The following SPOCK3 variants were observed in gnomAD, a reference collection of about 807,000 sequenced individuals.
SPOCK3 encodes testican-3.
Under a neutral mutation model 56.6 loss-of-function variants are expected in SPOCK3, and 30 were observed. The ratio of observed to expected loss-of-function variants is 0.53; its 90% confidence interval spans 0.40 to 0.72. The LOEUF (loss-of-function observed/expected upper bound fraction) is 0.72. Ranked by LOEUF, SPOCK3 falls within the 30% of genes least tolerant of loss-of-function variation. The pLI is 0.00. For missense variants in SPOCK3, 527 were observed against 530.0 expected (o/e 0.99, Z 0.06); for synonymous variants, 196 against 183.3 (o/e 1.07, Z -0.56).
chr4:167,008,392 A>T lies in SPOCK3; in HGVS notation c.236-7929T>A, dbSNP rs368299019. Among the ~76,000 whole-genome samples, 3 of 152,268 alleles carry T rather than the reference A, an allele frequency of 2.0e-5. No individual in the cohort carries two copies. The Middle Eastern group carries it at 0.01, about 521-fold the overall frequency. On this transcript the variant is annotated intron_variant, in intron 3 of 10. Coordinates refer to ENST00000357545, the MANE Select transcript of SPOCK3 (RefSeq NM_001040159.2). ...TAGCAACATTATAAACTATATTACT[A>T]GAGGTAATATTAGCATGAAGCTATA...
At chr4:167,022,646 T>G (rs1238605312) in intron 3 of SPOCK3, among the ~76,000 whole-genome samples, 1 of 152,048 alleles carries the variant, frequency 6.6e-6, no homozygotes, top group African/African-American at 2.4e-5. Context: ...CATTGCATTA[T>G]GAACCTCTTC....
intron 2 of SPOCK3, among the ~76,000 whole-genome samples, chr4:167,204,778 G>C (rs1212128361): frequency 1.3e-5 from 2 of 151,628 alleles, no homozygotes; most frequent in Non-Finnish European, 2.9e-5. Context: ...CGGGGTGGGG[G>C]GCGACGGGTC....
intron 2 of SPOCK3, among the ~76,000 whole-genome samples, chr4:167,074,081 T>C (rs868375018): frequency 2.5e-4 from 38 of 151,830 alleles, no homozygotes; most frequent in Middle Eastern, 3.4e-3. Flanking sequence ...GCTAGTTTAC[T>C]TGAAAGCTAA....
chr4:166,753,805 G>A (rs183620104), intron 8 of SPOCK3, among the ~76,000 whole-genome samples: 2 of 151,948 alleles, frequency 1.3e-5, no homozygotes, highest in Admixed American at 1.3e-4. Flanking sequence ...CATAATGTGA[G>A]TTTCTTGTTT....
At chr4:167,121,707 C>G (rs1761878950) in intron 2 of SPOCK3, among the ~76,000 whole-genome samples, 6 of 152,074 alleles carry the variant, frequency 3.9e-5, no homozygotes, top group Admixed American at 3.3e-4. Context: ...TACTAGCTCC[C>G]CATTTCCTCA....
chr4:166,753,622 C>T (rs577547767), intron 8 of SPOCK3, among the ~76,000 whole-genome samples: 4 of 152,032 alleles, frequency 2.6e-5, no homozygotes, highest in South Asian at 2.1e-4. Context: ...TTTTCCTTAT[C>T]GAAGACTGGT....
intron 4 of SPOCK3, among the ~76,000 whole-genome samples, chr4:166,995,575 A>C (rs1002341429): frequency 3.3e-5 from 5 of 151,948 alleles, no homozygotes; most frequent in African/African-American, 1.2e-4. Context: ...TCTATCATCT[A>C]TCTATCTACC....
chr4:167,181,587 A>G (rs546961469), intron 2 of SPOCK3, among the ~76,000 whole-genome samples: 1 of 152,094 alleles, frequency 6.6e-6, no homozygotes, highest in Admixed American at 6.6e-5. Flanking sequence ...TATCTTCTGT[A>G]TTTCCCCTCC....
At chr4:167,207,302 T>G (rs1734441959) in intron 2 of SPOCK3, among the ~76,000 whole-genome samples, 1 of 151,950 alleles carries the variant, frequency 6.6e-6, no homozygotes, top group African/African-American at 2.4e-5. Context: ...TAGAGGTAAA[T>G]GAACATTCCA....
At chr4:166,830,403 CTG>C (rs755503377) in intron 6 of SPOCK3, among the ~76,000 whole-genome samples, 4 of 152,128 alleles carry the variant, frequency 2.6e-5, no homozygotes, top group African/African-American at 2.4e-5. Context: ...CTGAATCTCA[CTG>C]TATCATTCAT....
chr4:167,125,191 T>TTTTA (rs59279364), intron 2 of SPOCK3, among the ~76,000 whole-genome samples: 51,166 of 142,374 alleles, frequency 0.36, 9,821 homozygotes, highest in African/African-American at 0.47. Context: ...CACAGAGATT[T>TTTTA]TTTATTTATT....
intron 2 of SPOCK3, among the ~76,000 whole-genome samples, chr4:167,151,131 C>A (rs1764379757): frequency 6.6e-6 from 1 of 152,098 alleles, no homozygotes; most frequent in Non-Finnish European, 1.5e-5. Context: ...ATGTCGATGC[C>A]CAGGCCACAC....
At chr4:166,928,586 CTG>C (rs1739377361) in intron 4 of SPOCK3, among the ~76,000 whole-genome samples, 1 of 152,134 alleles carries the variant, frequency 6.6e-6, no homozygotes, top group Non-Finnish European at 1.5e-5. Context: ...TGAAACTACT[CTG>C]TATGATAGTA....
At chr4:166,745,298 A>G (rs1041561270) in intron 8 of SPOCK3, among the ~76,000 whole-genome samples, 4 of 152,188 alleles carry the variant, frequency 2.6e-5, no homozygotes, top group Non-Finnish European at 5.9e-5. Flanking sequence ...TCTCAGCAGA[A>G]ACTCTATGAG....
At chr4:167,044,454 T>C (rs909748365) in intron 3 of SPOCK3, among the ~76,000 whole-genome samples, 2 of 151,998 alleles carry the variant, frequency 1.3e-5, no homozygotes, top group African/African-American at 4.8e-5. Context: ...TATTTTTTTC[T>C]CCTTCTTACT....
intron 2 of SPOCK3, among the ~76,000 whole-genome samples, chr4:167,105,771 A>G (rs1468785493): frequency 2.0e-5 from 3 of 151,960 alleles, no homozygotes; most frequent in African/African-American, 7.2e-5. Context: ...AAAGACACAT[A>G]TAGATTGAAG....
rs147762164 is a variant in SPOCK3, at chr4:166,919,473, G to A, written c.351-6730C>T. Among the ~76,000 whole-genome samples, 14 of 152,208 alleles carry A rather than the reference G, an allele frequency of 9.2e-5. No homozygotes were observed. The East Asian group carries it at 1.2e-3, about 13-fold the overall frequency. On this transcript the variant is annotated intron_variant, in intron 4 of 10. Coordinates refer to ENST00000357545, the MANE Select transcript of SPOCK3 (RefSeq NM_001040159.2). ...CTTTCAAAATTTCAATAGGCATCACGACAAATGACATGACTGCATATTTCC... is the reference window on the plus strand; with the variant it reads ...CTTTCAAAATTTCAATAGGCATCACAACAAATGACATGACTGCATATTTCC...
intron 2 of SPOCK3, among the ~76,000 whole-genome samples, chr4:167,227,619 T>C (rs1413583806): frequency 6.6e-6 from 1 of 151,860 alleles, no homozygotes; most frequent in African/African-American, 2.4e-5. Context: ...GTAGAAAGAA[T>C]AGAAAAGATG....
intron 6 of SPOCK3, among the ~76,000 whole-genome samples, chr4:166,840,849 G>A (rs1747199836): frequency 7.2e-6 from 1 of 139,626 alleles, no homozygotes; most frequent in African/African-American, 2.8e-5. Flanking sequence ...CGCAATCTCG[G>A]GTCACTGCAA....
Sources: allele counts gnomAD v4.1 joint callset (sites outside exome capture counted in the v4.1 genomes callset), GRCh38; gene constraint gnomAD v4.1.1; transcripts MANE v1.5; gene names NCBI Gene and HGNC (gene_info 2026-07-23, HGNC 2026-07-21).